Variants in GAN observed in about 807,000 individuals in gnomAD.
The protein encoded by GAN is gigaxonin, also known as epididymis secretory sperm binding protein.
A neutral mutation model predicts 71.3 loss-of-function variants in GAN; 48 were observed. The observed-to-expected ratio is 0.67, with a 90% CI of 0.53 to 0.86. The LOEUF (loss-of-function observed/expected upper bound fraction) is 0.86. Among genes scored for constraint, GAN ranks in the 40% least tolerant of loss-of-function variants. The pLI, the probability that GAN is intolerant of heterozygous loss-of-function variation, is 0.00. For missense variants in GAN, 928 were observed against 770.1 expected (o/e 1.21, Z -2.43); for synonymous variants, 386 against 276.8 (o/e 1.39, Z -3.92).
intron 1 of GAN, among the ~76,000 whole-genome samples, chr16:81,344,717 AAC>A (rs1431978656): frequency 6.6e-6 from 1 of 152,214 alleles, no homozygotes. Context: ...CCATGTCTAA[AAC>A]ACCAAAAGCA....
chr16:81,325,991 A>G (rs1909373199), intron 1 of GAN, among the ~76,000 whole-genome samples: 1 of 152,134 alleles, frequency 6.6e-6, no homozygotes, highest in Non-Finnish European at 1.5e-5. Flanking sequence ...TTCATCCTTC[A>G]AGGCCTGGTT....
intron 1 of GAN, among the ~76,000 whole-genome samples, chr16:81,345,129 A>G (rs1040515900): frequency 6.6e-6 from 1 of 152,234 alleles, no homozygotes; most frequent in African/African-American, 2.4e-5. Context: ...GTGGAAAAAT[A>G]GGAACACTTT....
chr16:81,358,054 G>A (rs544620332), intron 5 of GAN, 123 bp downstream of exon 5: 2 of 873,956 alleles, frequency 2.3e-6, no homozygotes, highest in Admixed American at 2.0e-5. Flanking sequence ...GACATTTTTA[G>A]TGTAGTTCTA....
At chr16:81,318,259 C>G (rs1274679612) in intron 1 of GAN, among the ~76,000 whole-genome samples, 1 of 152,054 alleles carries the variant, frequency 6.6e-6, no homozygotes, top group Non-Finnish European at 1.5e-5. Flanking sequence ...ATTGAATGTT[C>G]AAAAGTTTGG....
chr16:81,367,214 C>G lies in GAN; in HGVS notation c.1502+1736C>G, dbSNP rs146094502. On this transcript the variant is annotated intron_variant, in intron 9 of 10. Transcript: ENST00000648994. Reference sequence around the variant, plus strand: ...AATAATTAAACGTAAGACTGTGGTTCCTTCTTTGCTGTTTAAAAGCACTTC... The same window carrying G: ...AATAATTAAACGTAAGACTGTGGTTGCTTCTTTGCTGTTTAAAAGCACTTC... 4.4e-4 allele frequency among the ~76,000 whole-genome samples: 67 copies of G among 152,234 alleles called. 1 individual carries two copies. The East Asian group carries it at 0.013, about 29-fold the overall frequency.
chr16:81,349,072 G>C (rs769971626), intron 1 of GAN, among the ~76,000 whole-genome samples: 6 of 152,196 alleles, frequency 3.9e-5, no homozygotes, highest in Non-Finnish European at 7.3e-5. Context: ...GAGCTAGGGA[G>C]AGTCTTATTG....
intron 3 of GAN, among the ~76,000 whole-genome samples, chr16:81,355,386 C>T (rs1252434630): frequency 6.6e-6 from 1 of 152,190 alleles, no homozygotes; most frequent in East Asian, 1.9e-4. Flanking sequence ...CAGAGAGTCT[C>T]AGTCTGTCTC....
Position 81,315,816 on chromosome 16 carries a change from A to G in GAN, c.167+536A>G, listed in dbSNP as rs939901087. 8.5e-5 allele frequency among the ~76,000 whole-genome samples: 13 copies of G among 152,366 alleles called. No individual in the cohort carries two copies. In the East Asian group the frequency reaches 1.9e-3, roughly 23 times the overall value. On this transcript the variant is annotated intron_variant, in intron 1 of 10. Coordinates refer to ENST00000648994, the MANE Select transcript of GAN (RefSeq NM_022041.4). ...CCCTGCCCGCTGGGAGGCCAGACAG[A>G]CAGCGCCTCGCTGGGTGCAGGCAGA...
In GAN at chr16:81,320,829, G is replaced by C. The variant is rs146508447; in HGVS notation, c.167+5549G>C. ...CTTTGTTTTTATCTACTTACTATAA[G>C]GCGTTCCTAACAACTGCTCAGAAGA... On this transcript the variant is annotated intron_variant, in intron 1 of 10. Transcript: ENST00000648994. Among the ~76,000 whole-genome samples, 670 of 152,234 alleles carry C rather than the reference G, an allele frequency of 4.4e-3. 3 individuals carry two copies. Among genetic ancestry groups the C allele is most frequent in the African/African-American group, 0.015 (640 of 41,550 alleles).
chr16:81,376,435 C>A (rs1350725423), intron 9 of GAN, among the ~76,000 whole-genome samples: 1 of 148,178 alleles, frequency 6.7e-6, no homozygotes, highest in East Asian at 2.0e-4. Flanking sequence ...GCCTGGGCAA[C>A]ATGGCAATAT....
At chr16:81,340,895 A>G (rs903009034) in intron 1 of GAN, among the ~76,000 whole-genome samples, 1 of 152,042 alleles carries the variant, frequency 6.6e-6, no homozygotes, top group Non-Finnish European at 1.5e-5. Context: ...AAAGCGTTCA[A>G]AAAGGGTTAG....
At chr16:81,335,789 C>G (rs1315841830) in intron 1 of GAN, among the ~76,000 whole-genome samples, 1 of 148,284 alleles carries the variant, frequency 6.7e-6, no homozygotes, top group African/African-American at 2.5e-5. Flanking sequence ...ATGAGTCATT[C>G]TAAGATCTGT....
chr16:81,315,001 C>G lies in GAN; in HGVS notation c.-113C>G, dbSNP rs1415824401. 3 of 930,928 alleles carry G rather than the reference C, an allele frequency of 3.2e-6. No homozygotes were observed. The highest frequency in any genetic ancestry group is 3.6e-4 in the Middle Eastern group (1 of 2,770). The allele number at this position is 930,928 out of a possible 1,614,324, so 57.7% of individuals were successfully genotyped here. ...CGTCCCGGGGGCTCCAGCTTCTGCT[C>G]AGAGCGCGGAGAGCCGGGCCGGGCG... On this transcript the variant is annotated 5_prime_UTR_variant, in exon 1 of 11. Coordinates refer to ENST00000648994, the MANE Select transcript of GAN (RefSeq NM_022041.4).
At position 81,315,084 on chromosome 16, in the gene GAN, G is replaced by T; in HGVS notation, c.-30G>T. The T allele has an allele frequency of 6.8e-7, 1 of 1,460,860 alleles. No individual in the cohort carries two copies. Among genetic ancestry groups the T allele is most frequent in the Non-Finnish European group, 9.1e-7 (1 of 1,100,264 alleles). The allele number at this position is 1,460,860 out of a possible 1,614,324, so 90.5% of individuals were successfully genotyped here. A position where few individuals can be genotyped will look rare whatever the true frequency, so the allele number is the denominator to read the frequency against. ...GTCCGGCCGGACGGTGTCGGGAGCC[G>T]GACCCGTCGGCAGAGGAGCGGGCGC... On this transcript the variant is annotated 5_prime_UTR_variant, in exon 1 of 11. Coordinates refer to ENST00000648994, the MANE Select transcript of GAN (RefSeq NM_022041.4).
chr16:81,345,079 A>C (rs1018433621), intron 1 of GAN, among the ~76,000 whole-genome samples: 3 of 152,228 alleles, frequency 2.0e-5, no homozygotes, highest in Non-Finnish European at 4.4e-5. Context: ...TAGAACGGCG[A>C]TCATTAAAAA....
rs1391303856 is a variant in GAN, at chr16:81,390,300, GGTAC to G, written c.*12705_*12708del. The G allele has an allele frequency of 6.6e-6, 1 of 152,178 alleles. No individual in the cohort carries two copies. The highest frequency in any genetic ancestry group is 2.4e-5 in the African/African-American group (1 of 41,444). 9.4% of individuals were successfully genotyped at this position (152,178 alleles called of 1,614,324 possible). A position where few individuals can be genotyped will look rare whatever the true frequency, so the allele number is the denominator to read the frequency against. On this transcript the variant is annotated 3_prime_UTR_variant, in exon 11 of 11. Transcript: ENST00000648994. Reference sequence around the variant, plus strand: ...CACGTCTCACATCCTGTGGTCCAAAGGTACTAGTTTGTTTTGTGGAATAATTTTC... The same window carrying G: ...CACGTCTCACATCCTGTGGTCCAAAGTAGTTTGTTTTGTGGAATAATTTTC...
At chr16:81,357,728 G>A in intron 4 of GAN, 82 bp from the exon 5 acceptor site, 10 of 1,287,724 alleles carry the variant, frequency 7.8e-6, no homozygotes, top group Non-Finnish European at 1.0e-5. Context: ...ATATTCTTTA[G>A]TAAACTAAAA....
At chr16:81,336,541 G>C (rs192662195) in intron 1 of GAN, among the ~76,000 whole-genome samples, 6 of 152,150 alleles carry the variant, frequency 3.9e-5, no homozygotes, top group African/African-American at 1.4e-4. Context: ...ACAGCTCACT[G>C]TAGCCTCGAC....
chr16:81,334,341 G>T (rs1046500030), intron 1 of GAN, among the ~76,000 whole-genome samples: 1 of 152,102 alleles, frequency 6.6e-6, no homozygotes, highest in African/African-American at 2.4e-5. Flanking sequence ...TGTGAAGGTG[G>T]GTCTCCGTCA....
Sources: gnomAD v4.1 joint callset for allele counts (sites outside exome capture counted in the v4.1 genomes callset) on GRCh38, gnomAD v4.1.1 for gene constraint, MANE v1.5 for transcripts, NCBI Gene and HGNC (gene_info 2026-07-23, HGNC 2026-07-21) for gene names.